Variants in CRLS1 observed in about 807,000 individuals in gnomAD.
CRLS1 encodes cardiolipin synthase 1, also known as cardiolipin synthase (CMP-forming).
A neutral mutation model predicts 37.0 loss-of-function variants in CRLS1; 24 were observed. The observed-to-expected ratio is 0.65, with a 90% CI of 0.47 to 0.91. CRLS1 has a LOEUF of 0.91. Ranked by LOEUF, CRLS1 falls within the 40% of genes least tolerant of loss-of-function variation. The pLI is 0.00. For missense variants in CRLS1, 373 were observed against 395.8 expected, an observed-to-expected ratio of 0.94 and a Z score of 0.49; for synonymous variants, 135 against 159.7, an observed-to-expected ratio of 0.85 and a Z score of 1.17.
chr20:6,027,383 TTTTG>T lies in CRLS1; in HGVS notation c.575-3886_575-3883del, dbSNP rs1278592060. On this transcript the variant is annotated intron_variant, in intron 3 of 6. Coordinates refer to ENST00000378863, the MANE Select transcript of CRLS1 (RefSeq NM_019095.6). ...TACAGGCGTGGGCCACCATGCCTGT[TTTTG>T]TTTGTTTGTTTGTTTTTGTTTTTTG... Among the ~76,000 whole-genome samples the T allele has an allele frequency of 2.6e-4, 37 of 143,664 alleles. No homozygotes were observed. In the South Asian group the frequency reaches 2.8e-3, roughly 11 times the overall value. 94.2% of individuals were successfully genotyped at this position (143,664 alleles called of 152,430 possible).
At chr20:6,021,022 G>T (rs894110467) in intron 3 of CRLS1, among the ~76,000 whole-genome samples, 19 of 149,750 alleles carry the variant, frequency 1.3e-4, no homozygotes, top group African/African-American at 4.7e-4. Flanking sequence ...TGTATGTCTG[G>T]TTCTCCAGTA....
At chr20:6,034,350 A>G (rs1302692859) in intron 5 of CRLS1, 114 bp from the exon 6 acceptor site, 1 of 669,192 alleles carries the variant, frequency 1.5e-6, no homozygotes, top group Non-Finnish European at 2.6e-6. Context: ...ATGAACAGCA[A>G]GCATGCTGAG....
chr20:6,032,020 T>C lies in CRLS1; in HGVS notation c.669T>C (p.Leu223=), dbSNP rs760387530. 6 of 1,612,638 alleles carry C rather than the reference T, an allele frequency of 3.7e-6. No homozygotes were observed. The highest frequency in any genetic ancestry group is 4.2e-6 in the Non-Finnish European group (5 of 1,178,906). Residue 223 remains leucine, a synonymous_variant, in exon 5 of 7, where the codon CTT becomes CTC. Coordinates refer to ENST00000378863, the MANE Select transcript of CRLS1 (RefSeq NM_019095.6). ...TTTTGGTCCTCTGCCAGCGAACACT[T>C]GCCAAGTATTTCAATCCTTGCTATG... The part of the protein sequence containing the change: ...RYRTLPTPRT[L]AKYFNPCYAT...
intron 2 of CRLS1, among the ~76,000 whole-genome samples, chr20:6,010,877 C>T (rs1297563364): frequency 6.6e-6 from 1 of 152,102 alleles, no homozygotes; most frequent in Non-Finnish European, 1.5e-5. Flanking sequence ...ATTAGCTGGG[C>T]ATGGTGGCAT....
chr20:6,036,008 T>C (rs1980519672), intron 6 of CRLS1, among the ~76,000 whole-genome samples: 1 of 152,158 alleles, frequency 6.6e-6, no homozygotes, highest in Admixed American at 6.5e-5. Flanking sequence ...TTTCACCTTG[T>C]TGGTCAGGCT....
intron 2 of CRLS1, among the ~76,000 whole-genome samples, chr20:6,011,235 A>G (rs1294652164): frequency 6.6e-6 from 1 of 152,168 alleles, no homozygotes; most frequent in African/African-American, 2.4e-5. Flanking sequence ...GCTTTGCTCA[A>G]TATTTATTGA....
intron 3 of CRLS1, among the ~76,000 whole-genome samples, chr20:6,030,687 C>T (rs1980099758): frequency 6.6e-6 from 1 of 151,986 alleles, no homozygotes; most frequent in South Asian, 2.1e-4. Context: ...CCACTGCACT[C>T]CAGCCTGGGC....
Position 6,011,231 on chromosome 20 carries a change from C to T in CRLS1, c.444+1319C>T, listed in dbSNP as rs147756208. Reference sequence around the variant, plus strand: ...ACTAATTTATGTTTGAAAAGCTTTGCTCAATATTTATTGAGTGAGAATCGA... The same window carrying T: ...ACTAATTTATGTTTGAAAAGCTTTGTTCAATATTTATTGAGTGAGAATCGA... On this transcript the variant is annotated intron_variant, in intron 2 of 6. Coordinates refer to ENST00000378863, the MANE Select transcript of CRLS1 (RefSeq NM_019095.6). Among the ~76,000 whole-genome samples the T allele has an allele frequency of 1.9e-4, 29 of 152,232 alleles. 1 individual carries two copies. The East Asian group carries it at 5.0e-3, about 26-fold the overall frequency.
intron 3 of CRLS1, among the ~76,000 whole-genome samples, chr20:6,025,413 C>T (rs1979595808): frequency 6.6e-6 from 1 of 152,068 alleles, no homozygotes; most frequent in African/African-American, 2.4e-5. Flanking sequence ...ACCTACTGCT[C>T]AGAAAAAAAA....
At position 6,027,470 on chromosome 20, in the gene CRLS1, C is replaced by T. The variant is rs143861331; in HGVS notation, c.575-3815C>T. 6.2e-3 allele frequency among the ~76,000 whole-genome samples: 950 copies of T among 152,184 alleles called. 6 individuals carry two copies. The highest frequency in any genetic ancestry group is 0.022 in the African/African-American group (911 of 41,506). On this transcript the variant is annotated intron_variant, in intron 3 of 6. Coordinates refer to ENST00000378863, the MANE Select transcript of CRLS1 (RefSeq NM_019095.6). The stretch of plus-strand genomic sequence containing the variant: ...TCACCCAGGCTGGAATGCAGTGGCG[C>T]AGTCTTGGCTCACTGCAACCTCTGC...
At chr20:6,029,423 G>A (rs1173410494) in intron 3 of CRLS1, among the ~76,000 whole-genome samples, 3 of 150,464 alleles carry the variant, frequency 2.0e-5, no homozygotes, top group Non-Finnish European at 4.4e-5. Context: ...GGAGTGCAAT[G>A]GCACGATCTT....
In CRLS1 at chr20:6,006,365, G is replaced by A; in HGVS notation, c.119G>A (p.Cys40Tyr). 7.1e-7 allele frequency: 1 copy of A among 1,402,444 alleles called. No homozygotes were observed. The highest frequency in any genetic ancestry group is 9.3e-7 in the Non-Finnish European group (1 of 1,075,942). The allele number at this position is 1,402,444 out of a possible 1,614,324, so 86.9% of individuals were successfully genotyped here. The change falls in exon 1 of 7, where the codon TGC becomes TAC. Residue 40 changes from cysteine to tyrosine, a missense_variant. Coordinates refer to ENST00000378863, the MANE Select transcript of CRLS1 (RefSeq NM_019095.6). ...TGGGCCCTGCTGCCGCCCGTGCCCT[G>A]CTGCTTGGGCTGCCTGGCCGAACGC... ...ACWALLPPVP[C>Y]CLGCLAERWR...
At chr20:6,009,705 G>A (rs112209754) in intron 1 of CRLS1, 70 bp from the exon 2 acceptor site, 8 of 1,224,016 alleles carry the variant, frequency 6.5e-6, no homozygotes, top group Middle Eastern at 2.0e-4. Flanking sequence ...TTTTTCTAAT[G>A]TATGTATATA....
chr20:6,031,342 A>G lies in CRLS1; in HGVS notation c.632A>G (p.Tyr211Cys). The G allele has an allele frequency of 5.0e-6, 8 of 1,609,790 alleles. No individual in the cohort carries two copies. Among genetic ancestry groups the G allele is most frequent in the Non-Finnish European group, 5.9e-6 (7 of 1,177,920 alleles). The change falls in exon 4 of 7, where the codon TAT (tyrosine) becomes TGT (cysteine). Residue 211 changes from tyrosine to cysteine, a missense_variant. Tyr to Cys is a radical substitution (Grantham distance 194). Transcript: ENST00000378863. ...RDVMLIAAVF[Y>C]VRYRTLPTPR... ...GTAATGTTGATTGCTGCTGTTTTTTATGTCAGATACCGAACTCTTCCAACA... is the reference window on the plus strand; with the variant it reads ...GTAATGTTGATTGCTGCTGTTTTTTGTGTCAGATACCGAACTCTTCCAACA...
intron 3 of CRLS1, among the ~76,000 whole-genome samples, chr20:6,027,244 T>G (rs899396725): frequency 5.3e-5 from 8 of 151,648 alleles, no homozygotes; most frequent in African/African-American, 1.9e-4. Flanking sequence ...CCACCATGCC[T>G]GGCTAATTTT....
At chr20:6,035,229 CTT>C (rs112792834) in intron 6 of CRLS1, among the ~76,000 whole-genome samples, 25 of 152,232 alleles carry the variant, frequency 1.6e-4, no homozygotes, top group African/African-American at 5.3e-4. Flanking sequence ...CTACTCTAAA[CTT>C]TTTATTTTAA....
At chr20:6,024,223 T>G (rs888799901) in intron 3 of CRLS1, among the ~76,000 whole-genome samples, 6 of 152,172 alleles carry the variant, frequency 3.9e-5, no homozygotes, top group African/African-American at 1.4e-4. Context: ...TTCAAAGTGC[T>G]GGGATTACAG....
chr20:6,013,343 C>T (rs1005196251), intron 2 of CRLS1, among the ~76,000 whole-genome samples: 1 of 150,856 alleles, frequency 6.6e-6, no homozygotes, highest in African/African-American at 2.4e-5. Flanking sequence ...TGCCACTGTG[C>T]CCAGTGAATT....
At chr20:6,031,929 A>G in intron 4 of CRLS1, 83 bp from the exon 5 acceptor site, 1 of 987,762 alleles carries the variant, frequency 1.0e-6, no homozygotes, top group South Asian at 1.4e-5. Flanking sequence ...TTACCTAAGT[A>G]TAATAACAAA....
Sources: gnomAD v4.1 joint callset for allele counts (sites outside exome capture counted in the v4.1 genomes callset) on GRCh38, gnomAD v4.1.1 for gene constraint, MANE v1.5 for transcripts, NCBI Gene and HGNC (gene_info 2026-07-23, HGNC 2026-07-21) for gene names.